Variants in SLC25A13 observed in about 807,000 individuals in gnomAD.
The protein encoded by SLC25A13 is electrogenic aspartate/glutamate antiporter SLC25A13, mitochondrial.
SLC25A13 carries 70 observed loss-of-function variants against 85.5 expected under a neutral mutation model. The ratio of observed to expected loss-of-function variants is 0.82; its 90% CI spans 0.68 to 1.00. SLC25A13 has a LOEUF of 1.00. Among genes scored for constraint, SLC25A13 ranks in the 50% least tolerant of loss-of-function variants. SLC25A13 has a pLI of 0.00. For synonymous variants in SLC25A13, 259 were observed against 288.7 expected, an observed-to-expected ratio of 0.90 and a Z score of 1.04; for missense variants, 765 against 819.8, an observed-to-expected ratio of 0.93 and a Z score of 0.82.
chr7:96,195,749 T>C (rs1795035927), intron 5 of SLC25A13, among the ~76,000 whole-genome samples: 1 of 152,192 alleles, frequency 6.6e-6, no homozygotes. Flanking sequence ...TGTAGACTGC[T>C]GCCCCTTTCT....
intron 4 of SLC25A13, among the ~76,000 whole-genome samples, chr7:96,225,383 A>G (rs1000238159): frequency 6.6e-6 from 1 of 152,136 alleles, no homozygotes; most frequent in Admixed American, 6.5e-5. Flanking sequence ...ACCTTTACGA[A>G]AATAAAAATA....
chr7:96,322,076 C>T lies in SLC25A13; in HGVS notation c.-120G>A, dbSNP rs1386773985. 2.2e-6 allele frequency: 3 copies of T among 1,362,748 alleles called. No individual in the cohort carries two copies. Among genetic ancestry groups the T allele is most frequent in the Non-Finnish European group, 3.0e-6 (3 of 995,816 alleles). 84.4% of individuals were successfully genotyped at this position (1,362,748 alleles called of 1,614,324 possible). On this transcript the variant is annotated 5_prime_UTR_variant, in exon 1 of 18. Transcript: ENST00000265631. Reference sequence around the variant, plus strand: ...CGGTGGGGGCGGCGATACGGCCAGGCAGCGTGCGTTCCTGGCCTGCCTCCC... The same window carrying T: ...CGGTGGGGGCGGCGATACGGCCAGGTAGCGTGCGTTCCTGGCCTGCCTCCC...
At chr7:96,202,307 G>C (rs533138439) in intron 5 of SLC25A13, among the ~76,000 whole-genome samples, 38 of 152,156 alleles carry the variant, frequency 2.5e-4, no homozygotes, top group African/African-American at 8.2e-4. Flanking sequence ...TCATGTCTTT[G>C]GGTTTCATCA....
intron 14 of SLC25A13, among the ~76,000 whole-genome samples, chr7:96,133,362 C>A (rs903443308): frequency 1.3e-5 from 2 of 152,200 alleles, no homozygotes; most frequent in African/African-American, 2.4e-5. Flanking sequence ...ATTTTAGGCA[C>A]GTACAAACTA....
In SLC25A13 at chr7:96,184,412, G is replaced by T; in HGVS notation, c.1042C>A (p.Pro348Thr). Residue 348 changes from proline (P) to threonine (T), a missense_variant, in exon 11 of 18, where the codon CCT becomes ACT. Pro to Thr is a conservative substitution (Grantham distance 38). Coordinates refer to ENST00000265631, the MANE Select transcript of SLC25A13 (RefSeq NM_014251.3). ...ATTCGAGTTTTTACAAGATCGATAG[G>T]ATACACAGCAGTGGCTCCAACAGCT... ...AGAVGATAVY[P>T]IDLVKTRMQN... The T allele has an allele frequency of 3.7e-6, 6 of 1,614,096 alleles. No homozygotes were observed. Among genetic ancestry groups the T allele is most frequent in the Non-Finnish European group, 5.1e-6 (6 of 1,180,008 alleles).
intron 4 of SLC25A13, among the ~76,000 whole-genome samples, chr7:96,212,569 C>T (rs1016108036): frequency 6.6e-6 from 1 of 151,978 alleles, no homozygotes; most frequent in African/African-American, 2.4e-5. Context: ...CTAAGAGGGA[C>T]CTTTGAGGGA....
rs1491158083 is a variant in SLC25A13 at position 96,241,056 on chromosome 7, AAG to A, written c.213-6141_213-6140del. The stretch of plus-strand genomic sequence containing the variant: ...AAGAAAGGAAAGAAAGAAAGAAAGA[AAG>A]AAAGAAAGAAAGAAAGAAAGAAAGA... On this transcript the variant is annotated intron_variant, in intron 3 of 17. Coordinates refer to ENST00000265631, the MANE Select transcript of SLC25A13 (RefSeq NM_014251.3). 2.3e-5 allele frequency among the ~76,000 whole-genome samples: 3 copies of A among 133,018 alleles called. No homozygotes were observed. The East Asian group carries it at 6.2e-4, about 27-fold the overall frequency. 87.3% of individuals were successfully genotyped at this position (133,018 alleles called of 152,430 possible). A position where few individuals can be genotyped will look rare whatever the true frequency, so the allele number is the denominator to read the frequency against.
chr7:96,206,487 G>A (rs530039546), intron 5 of SLC25A13, among the ~76,000 whole-genome samples: 2 of 152,244 alleles, frequency 1.3e-5, no homozygotes, highest in East Asian at 3.9e-4. Context: ...ATGGAAGGAA[G>A]GAAGAAACCC....
chr7:96,194,971 C>T (rs1252629281), intron 5 of SLC25A13, among the ~76,000 whole-genome samples: 1 of 152,156 alleles, frequency 6.6e-6, no homozygotes, highest in Non-Finnish European at 1.5e-5. Flanking sequence ...ACCACTGGCT[C>T]CTTAAATGGG....
intron 13 of SLC25A13, among the ~76,000 whole-genome samples, chr7:96,148,111 A>T (rs1031991821): frequency 6.6e-6 from 1 of 152,218 alleles, no homozygotes. Flanking sequence ...TACCAACTTG[A>T]TACCTTAATC....
Position 96,121,760 on chromosome 7 carries a change from A to G in SLC25A13, c.1751-15T>C, listed in dbSNP as rs568032301. 10 of 1,614,056 alleles carry G rather than the reference A, an allele frequency of 6.2e-6. No homozygotes were observed. Among genetic ancestry groups the G allele is most frequent in the African/African-American group, 1.3e-5 (1 of 75,060 alleles). On this transcript the variant is annotated splice_polypyrimidine_tract_variant and intron_variant, in intron 16 of 17. Transcript: ENST00000265631. ...AAATACACGAGCTTTAAAAAAATGG[A>G]GAAATCACAGATATAATTAGATATT...
chr7:96,130,425 T>C (rs1276966142), intron 15 of SLC25A13, among the ~76,000 whole-genome samples: 2 of 152,230 alleles, frequency 1.3e-5, no homozygotes, highest in Admixed American at 6.5e-5. Flanking sequence ...ATCCTCTCAT[T>C]TGAGCCTCAC....
chr7:96,315,074 G>C (rs187092282), intron 1 of SLC25A13, among the ~76,000 whole-genome samples: 1 of 152,188 alleles, frequency 6.6e-6, no homozygotes, highest in Admixed American at 6.6e-5. Context: ...TCAAGTTTGG[G>C]ATTAAAACCT....
Position 96,121,659 on chromosome 7 carries a change from C to T in SLC25A13, c.1837G>A (p.Gly613Arg). 1.2e-6 allele frequency: 2 copies of T among 1,614,112 alleles called. No homozygotes were observed. Among genetic ancestry groups the T allele is most frequent in the South Asian group, 1.1e-5 (1 of 91,076 alleles). ...CAGATTTAGCATGATACTTACACTC[C>T]TCCAAAATCAATGTAGAACCATCGC... ...LQRWFYIDFG[G>R]VKPMGSEPVP... The change falls in exon 17 of 18, where the codon GGA becomes AGA. Residue 613 changes from glycine (G) to arginine (R), a missense_variant. Transcript: ENST00000265631.
chr7:96,308,150 T>A (rs1388114426), intron 1 of SLC25A13, among the ~76,000 whole-genome samples: 35 of 124,110 alleles, frequency 2.8e-4, no homozygotes, highest in Non-Finnish European at 6.4e-5. Context: ...CGAAACTCCA[T>A]CTCCAAAAAA....
chr7:96,211,290 C>G (rs1795687464), intron 4 of SLC25A13, among the ~76,000 whole-genome samples: 1 of 151,890 alleles, frequency 6.6e-6, no homozygotes, highest in African/African-American at 2.4e-5. Flanking sequence ...CTATGAAATG[C>G]CTGGCTGATG....
At chr7:96,141,098 C>A (rs1792542931) in intron 14 of SLC25A13, among the ~76,000 whole-genome samples, 1 of 150,136 alleles carries the variant, frequency 6.7e-6, no homozygotes, top group Admixed American at 6.7e-5. Flanking sequence ...ATATAGCTCA[C>A]CGCAGCCTCG....
At chr7:96,144,432 A>G (rs1468873981) in intron 14 of SLC25A13, among the ~76,000 whole-genome samples, 1 of 152,178 alleles carries the variant, frequency 6.6e-6, no homozygotes, top group Non-Finnish European at 1.5e-5. Context: ...CAGAAGCTCA[A>G]AGCATTACTG....
intron 4 of SLC25A13, among the ~76,000 whole-genome samples, chr7:96,228,659 T>C (rs530605121): frequency 6.6e-6 from 1 of 152,274 alleles, no homozygotes; most frequent in South Asian, 2.1e-4. Context: ...AGCCCCTCTC[T>C]GGGCCGAGGC....
Sources: gnomAD v4.1 joint callset for allele counts (sites outside exome capture counted in the v4.1 genomes callset) on GRCh38, gnomAD v4.1.1 for gene constraint, MANE v1.5 for transcripts, NCBI Gene and HGNC (gene_info 2026-07-23, HGNC 2026-07-21) for gene names.